TPD52L2: variants seen among roughly 807,000 people sequenced by gnomAD.
TPD52L2 encodes the protein tumor protein D54.
TPD52L2 carries 19 observed loss-of-function variants against 24.7 expected under a neutral mutation model. That is an observed-to-expected ratio of 0.77 (90% CI 0.54 to 1.13). TPD52L2 has a LOEUF of 1.13. Ranked by LOEUF, TPD52L2 falls within the 50% of genes most tolerant of loss-of-function variation. The pLI is 0.00. For missense variants in TPD52L2, 236 were observed against 250.4 expected (o/e 0.94, Z 0.39); for synonymous variants, 104 against 100.2 (o/e 1.04, Z -0.23).
At chr20:63,889,587 C>G (rs971814240) in intron 6 of TPD52L2, among the ~76,000 whole-genome samples, 2 of 152,152 alleles carry the variant, frequency 1.3e-5, no homozygotes, top group African/African-American at 4.8e-5. Context: ...TCCACTCTCC[C>G]TTTGTATAAT....
chr20:63,888,807 G>A (rs2053225836), intron 5 of TPD52L2: 1 of 251,402 alleles, frequency 4.0e-6, no homozygotes, highest in African/African-American at 2.2e-5. Context: ...GAGAGCCCGG[G>A]GTGTCCCTGT....
At chr20:63,879,319 A>C (rs13043408) in intron 4 of TPD52L2, among the ~76,000 whole-genome samples, 1 of 152,108 alleles carries the variant, frequency 6.6e-6, no homozygotes, top group Non-Finnish European at 1.5e-5. Flanking sequence ...GGTTTATGGC[A>C]CAGCAGGGAC....
In TPD52L2 at chr20:63,865,319, C is replaced by T. The variant is rs1166005429; in HGVS notation, c.-47C>T. ...GGCGAGCTTCTCCCGGCGCCGCCCG[C>T]TCGGCTCCCATAGCGCCCGCGACAG... On this transcript the variant is annotated 5_prime_UTR_variant, in exon 1 of 7. Coordinates refer to ENST00000346249, the MANE Select transcript of TPD52L2 (RefSeq NM_003288.4). 3 of 1,506,128 alleles carry T rather than the reference C, an allele frequency of 2.0e-6. No individual in the cohort carries two copies. The highest frequency in any genetic ancestry group is 1.2e-5 in the South Asian group (1 of 80,818). 93.3% of individuals were successfully genotyped at this position (1,506,128 alleles called of 1,614,324 possible). A position where few individuals can be genotyped will look rare whatever the true frequency, so the allele number is the denominator to read the frequency against.
At chr20:63,869,613 C>G (rs1330559590) in intron 2 of TPD52L2, among the ~76,000 whole-genome samples, 172 bp downstream of exon 2, 1 of 152,204 alleles carries the variant, frequency 6.6e-6, no homozygotes, top group Non-Finnish European at 1.5e-5. Context: ...CAGCTCCATG[C>G]ACTGGACTCA....
chr20:63,869,163 T>C, intron 1 of TPD52L2, 133 bp from the exon 2 acceptor site: 1 of 1,018,170 alleles, frequency 9.8e-7, no homozygotes, highest in Non-Finnish European at 1.5e-6. Context: ...CTCACAGACC[T>C]TTCAGAGAAG....
intron 5 of TPD52L2, chr20:63,887,260 A>G: frequency 1.9e-6 from 1 of 517,190 alleles, no homozygotes; most frequent in Non-Finnish European, 3.5e-6. Flanking sequence ...TTGACTTCTG[A>G]AGGCTGTTTG....
At chr20:63,876,619 C>T (rs548697658) in intron 4 of TPD52L2, 10 of 373,498 alleles carry the variant, frequency 2.7e-5, no homozygotes, top group African/African-American at 1.3e-4. Context: ...TAGAAGGAAG[C>T]GCTGTAATCG....
At chr20:63,869,582 G>T (rs752667222) in intron 2 of TPD52L2, 141 bp downstream of exon 2, 1 of 1,071,078 alleles carries the variant, frequency 9.3e-7, no homozygotes. Context: ...GACTGATAAC[G>T]GGGTTCTCTT....
At position 63,874,227 on chromosome 20, in the gene TPD52L2, TTTGTG is replaced by T. The variant is rs1490080057; in HGVS notation, c.314+413_314+417del. On this transcript the variant is annotated intron_variant, in intron 3 of 6. Transcript: ENST00000346249. ...CCACCGCGCCCGGCTGATTTTTTTT[TTTGTG>T]TGTGTGTGTGTGTGTGTGTGTGTGT... Among the ~76,000 whole-genome samples, 144 of 139,722 alleles carry T rather than the reference TTTGTG, an allele frequency of 1.0e-3. 1 individual carries two copies. Among genetic ancestry groups the T allele is most frequent in the Middle Eastern group, 3.5e-3 (1 of 282 alleles). The allele number at this position is 139,722 out of a possible 152,430, so 91.7% of individuals were successfully genotyped here.
At chr20:63,879,389 C>A (rs1185457220) in intron 4 of TPD52L2, among the ~76,000 whole-genome samples, 2 of 151,950 alleles carry the variant, frequency 1.3e-5, no homozygotes, top group African/African-American at 4.8e-5. Flanking sequence ...CCCTCAGGAC[C>A]CTCCTCCTTG....
At chr20:63,886,635 C>T (rs1032134879) in intron 5 of TPD52L2, among the ~76,000 whole-genome samples, 7 of 151,366 alleles carry the variant, frequency 4.6e-5, no homozygotes, top group African/African-American at 1.2e-4. Flanking sequence ...AAGCGTGAGC[C>T]ACCGCGCCCG....
At chr20:63,888,965 G>T in intron 5 of TPD52L2, 1 of 592,562 alleles carries the variant, frequency 1.7e-6, no homozygotes, top group Admixed American at 2.9e-5. Flanking sequence ...CAGTTGCCTT[G>T]TGTGACGTCT....
chr20:63,887,971 C>G (rs541983146), intron 5 of TPD52L2: 1 of 335,458 alleles, frequency 3.0e-6, no homozygotes, highest in Non-Finnish European at 5.6e-6. Context: ...ACGGTCTCAG[C>G]CTTCACGGAA....
intron 2 of TPD52L2, 63 bp from the exon 3 acceptor site, chr20:63,873,605 A>G (rs1405325735): frequency 6.3e-7 from 1 of 1,580,924 alleles, no homozygotes; most frequent in Non-Finnish European, 8.6e-7. Context: ...GGCACTGTGC[A>G]TGAGGATGTT....
chr20:63,866,285 A>G (rs2052229455), intron 1 of TPD52L2, among the ~76,000 whole-genome samples: 2 of 151,160 alleles, frequency 1.3e-5, no homozygotes, highest in South Asian at 4.2e-4. Context: ...TTGTATTTTT[A>G]GTAGAGGCAG....
At chr20:63,885,373 A>G (rs1419997375) in intron 5 of TPD52L2, among the ~76,000 whole-genome samples, 3 of 152,100 alleles carry the variant, frequency 2.0e-5, no homozygotes, top group Non-Finnish European at 4.4e-5. Context: ...GGGCGAGTTG[A>G]GTGTTTCTCA....
chr20:63,890,398 A>G lies in TPD52L2; in HGVS notation c.*453A>G, dbSNP rs1255835069. 1.1e-5 allele frequency: 2 copies of G among 180,150 alleles called. No homozygotes were observed. Among genetic ancestry groups the G allele is most frequent in the Admixed American group, 6.2e-5 (1 of 16,036 alleles). 11.2% of individuals were successfully genotyped at this position (180,150 alleles called of 1,614,324 possible). A position where few individuals can be genotyped will look rare whatever the true frequency, so the allele number is the denominator to read the frequency against. ...CCCAGCAAGTCCTACCTGTTACGCA[A>G]TTTTTTATCTCAAAATGCCGAACGA... On this transcript the variant is annotated 3_prime_UTR_variant, in exon 7 of 7. Coordinates refer to ENST00000346249, the MANE Select transcript of TPD52L2 (RefSeq NM_003288.4).
At chr20:63,881,120 G>A (rs2052880737) in intron 4 of TPD52L2, among the ~76,000 whole-genome samples, 1 of 152,118 alleles carries the variant, frequency 6.6e-6, no homozygotes, top group Non-Finnish European at 1.5e-5. Flanking sequence ...CCAGCACTGC[G>A]GGAGGCCGAG....
Position 63,875,894 on chromosome 20 carries a change from A to G in TPD52L2, c.374+19A>G, listed in dbSNP as rs1190835481. The G allele has an allele frequency of 6.2e-7, 1 of 1,613,612 alleles. No homozygotes were observed. Among genetic ancestry groups the G allele is most frequent in the South Asian group, 1.1e-5 (1 of 91,020 alleles). ...CAGACCTGTGAGTGCCTGTATCATC[A>G]GCACCTCCTCCTTCCTCCTCTCCGC... is the stretch of plus-strand genomic sequence containing the variant. On this transcript the variant is annotated intron_variant, in intron 4 of 6. Coordinates refer to ENST00000346249, the MANE Select transcript of TPD52L2 (RefSeq NM_003288.4).
Sources: gnomAD v4.1 joint callset for allele counts (sites outside exome capture counted in the v4.1 genomes callset) on GRCh38, gnomAD v4.1.1 for gene constraint, MANE v1.5 for transcripts, NCBI Gene and HGNC (gene_info 2026-07-23, HGNC 2026-07-21) for gene names.